The following PHACTR1 variants were observed in gnomAD, a reference collection of about 807,000 sequenced individuals.
PHACTR1 encodes the protein phosphatase and actin regulator 1, also known as RPEL repeat containing 1.
PHACTR1 carries 16 observed loss-of-function variants against 69.2 expected under a neutral mutation model. The observed-to-expected ratio is 0.23, with a 90% CI of 0.16 to 0.35. The LOEUF (loss-of-function observed/expected upper bound fraction) is 0.35. Ranked by LOEUF, PHACTR1 falls within the 10% of genes least tolerant of loss-of-function variation. The probability of loss-of-function intolerance (pLI) is 1.00; values close to 1 mark genes in which losing one functional copy is unlikely to be tolerated. For synonymous variants in PHACTR1, 312 were observed against 284.5 expected, an observed-to-expected ratio of 1.10 and a Z score of -0.97; for missense variants, 510 against 734.7, an observed-to-expected ratio of 0.69 and a Z score of 3.54.
At position 13,127,753 on chromosome 6, in the gene PHACTR1, A is replaced by G. The variant is rs961432206; in HGVS notation, c.416-32451A>G. The stretch of plus-strand genomic sequence containing the variant: ...CCCATTTGATTCACAGTGCTTCAGT[A>G]TTCTTGTTTGCCCTTTCTATCTGTA... On this transcript the variant is annotated intron_variant, in intron 5 of 14. Coordinates refer to ENST00000332995, the MANE Select transcript of PHACTR1 (RefSeq NM_030948.6). 7.9e-5 allele frequency among the ~76,000 whole-genome samples: 12 copies of G among 152,270 alleles called. No homozygotes were observed. The South Asian group carries it at 2.5e-3, about 32-fold the overall frequency.
At chr6:12,809,172 G>A (rs186641607) in intron 4 of PHACTR1, among the ~76,000 whole-genome samples, 170 of 152,232 alleles carry the variant, frequency 1.1e-3, no homozygotes, top group East Asian at 9.7e-4. Context: ...ACAGGAGTAA[G>A]CCACCATGCC....
At chr6:12,977,037 C>T (rs544960049) in intron 4 of PHACTR1, among the ~76,000 whole-genome samples, 15 of 152,316 alleles carry the variant, frequency 9.8e-5, no homozygotes, top group African/African-American at 3.6e-4. Flanking sequence ...GCAATCTCGG[C>T]TCACTGCAAC....
intron 4 of PHACTR1, among the ~76,000 whole-genome samples, chr6:13,019,098 G>T (rs1800617653): frequency 6.8e-6 from 1 of 146,932 alleles, no homozygotes; most frequent in Non-Finnish European, 1.5e-5. Flanking sequence ...TTTTTGTAGA[G>T]ACAGGATTTC....
intron 14 of PHACTR1, among the ~76,000 whole-genome samples, chr6:13,286,759 G>A (rs145957165): frequency 2.0e-5 from 3 of 152,198 alleles, no homozygotes; most frequent in Non-Finnish European, 4.4e-5. Context: ...ACTTTCTTTT[G>A]GGGGGAACAT....
intron 5 of PHACTR1, among the ~76,000 whole-genome samples, chr6:13,119,493 G>A (rs1423187460): frequency 2.6e-5 from 4 of 152,194 alleles, no homozygotes; most frequent in Non-Finnish European, 5.9e-5. Flanking sequence ...TATGGGGAGT[G>A]CTGAGGCTGT....
intron 6 of PHACTR1, among the ~76,000 whole-genome samples, chr6:13,161,301 C>T (rs1758969292): frequency 6.6e-6 from 1 of 152,144 alleles, no homozygotes; most frequent in Non-Finnish European, 1.5e-5. Context: ...ATTGAACTTG[C>T]ATGCGTGCAC....
chr6:13,272,822 G>A (rs1220475452), intron 10 of PHACTR1, 38 bp from the exon 11 acceptor site: 1 of 1,614,076 alleles, frequency 6.2e-7, no homozygotes, highest in Admixed American at 1.7e-5. Context: ...AGGAGGCTAT[G>A]ATATGGTCCA....
At chr6:12,990,839 G>A (rs978286649) in intron 4 of PHACTR1, among the ~76,000 whole-genome samples, 2 of 152,160 alleles carry the variant, frequency 1.3e-5, no homozygotes, top group African/African-American at 4.8e-5. Context: ...GTAGGATGAA[G>A]GTGATCTTTC....
At chr6:13,001,218 A>G (rs534044664) in intron 4 of PHACTR1, among the ~76,000 whole-genome samples, 27 of 152,382 alleles carry the variant, frequency 1.8e-4, no homozygotes, top group Middle Eastern at 3.4e-3. Flanking sequence ...GTGAAAATCA[A>G]TAATGAAAGA....
intron 4 of PHACTR1, among the ~76,000 whole-genome samples, chr6:12,829,602 A>G (rs1348926582): frequency 6.6e-6 from 1 of 152,148 alleles, no homozygotes; most frequent in East Asian, 1.9e-4. Flanking sequence ...AGCCCAGAAG[A>G]GATCTTAAAT....
At chr6:13,010,793 C>G (rs944960544) in intron 4 of PHACTR1, among the ~76,000 whole-genome samples, 1 of 151,490 alleles carries the variant, frequency 6.6e-6, no homozygotes, top group African/African-American at 2.4e-5. Flanking sequence ...CACAGGAGCT[C>G]GTCCTCATTT....
chr6:13,162,971 C>A (rs1357286704), intron 6 of PHACTR1, among the ~76,000 whole-genome samples: 2 of 152,180 alleles, frequency 1.3e-5, no homozygotes, highest in African/African-American at 4.8e-5. Context: ...GCGGGCCGGG[C>A]TCGGTGTCTC....
chr6:12,999,292 C>T (rs1471159717), intron 4 of PHACTR1, among the ~76,000 whole-genome samples: 1 of 152,168 alleles, frequency 6.6e-6, no homozygotes, highest in Non-Finnish European at 1.5e-5. Context: ...CATGAACCAA[C>T]ATGCAATAAT....
chr6:13,075,764 G>T (rs1411527433), intron 5 of PHACTR1, among the ~76,000 whole-genome samples: 3 of 152,116 alleles, frequency 2.0e-5, no homozygotes, highest in African/African-American at 7.2e-5. Context: ...TAGACTCCCA[G>T]CCTGAGCTCC....
At chr6:12,978,060 A>G (rs1220327889) in intron 4 of PHACTR1, among the ~76,000 whole-genome samples, 1 of 152,232 alleles carries the variant, frequency 6.6e-6, no homozygotes, top group Non-Finnish European at 1.5e-5. Context: ...TCTTCAAGGC[A>G]AATCTGCCTG....
At chr6:13,265,638 T>C (rs147790811) in intron 10 of PHACTR1, among the ~76,000 whole-genome samples, 1,906 of 152,290 alleles carry the variant, frequency 0.013, 43 homozygotes, top group African/African-American at 0.042. Flanking sequence ...GAACATCCCC[T>C]GGGTTTGACC....
chr6:12,737,741 T>C (rs1320795411), intron 3 of PHACTR1, among the ~76,000 whole-genome samples: 1 of 151,984 alleles, frequency 6.6e-6, no homozygotes, highest in Non-Finnish European at 1.5e-5. Flanking sequence ...ACTACAGGCG[T>C]GTGCCACCAA....
intron 4 of PHACTR1, among the ~76,000 whole-genome samples, chr6:12,895,741 C>T (rs140951820): frequency 1.6e-4 from 25 of 152,330 alleles, no homozygotes; most frequent in East Asian, 9.6e-4. Flanking sequence ...TATTGATTCT[C>T]GAGCCTAGCT....
At position 13,180,722 on chromosome 6, in the gene PHACTR1, T is replaced by C. The variant is rs368720922; in HGVS notation, c.497-1797T>C. ...CATCATTATTCCACCAACTGGGAAA[T>C]TGAAACAGAGTTACTTCCCACGGCA... On this transcript the variant is annotated intron_variant, in intron 6 of 14. Coordinates refer to ENST00000332995, the MANE Select transcript of PHACTR1 (RefSeq NM_030948.6). Among the ~76,000 whole-genome samples the C allele has an allele frequency of 1.6e-4, 24 of 152,282 alleles. No homozygotes were observed. The East Asian group carries it at 3.7e-3, about 23-fold the overall frequency.
Sources: allele counts gnomAD v4.1 joint callset (sites outside exome capture counted in the v4.1 genomes callset), GRCh38; gene constraint gnomAD v4.1.1; transcripts MANE v1.5; gene names NCBI Gene and HGNC (gene_info 2026-07-23, HGNC 2026-07-21).